Variants in ADCYAP1R1 observed in about 807,000 individuals in gnomAD.
ADCYAP1R1 encodes the protein ADCYAP receptor type I.
In ADCYAP1R1, 44 loss-of-function variants were observed where a neutral mutation model predicts 67.6. The observed-to-expected ratio is 0.65, with a 90% CI of 0.51 to 0.84. The LOEUF is 0.84. Among genes scored for constraint, ADCYAP1R1 ranks in the 40% least tolerant of loss-of-function variants. The pLI, the probability that ADCYAP1R1 is intolerant of heterozygous loss-of-function variation, is 0.00. For missense variants in ADCYAP1R1, 477 were observed against 587.9 expected, an observed-to-expected ratio of 0.81 and a Z score of 1.95; for synonymous variants, 222 against 219.6, an observed-to-expected ratio of 1.01 and a Z score of -0.10.
intron 3 of ADCYAP1R1, among the ~76,000 whole-genome samples, chr7:31,069,740 G>A (rs971153352): frequency 6.6e-6 from 1 of 152,188 alleles, no homozygotes; most frequent in African/African-American, 2.4e-5. Context: ...GTGGTAGCCA[G>A]GAGACAGATG....
chr7:31,104,825 A>G (rs1796574759), intron 14 of ADCYAP1R1, 43 bp from the exon 15 acceptor site: 1 of 1,609,732 alleles, frequency 6.2e-7, no homozygotes, highest in African/African-American at 1.3e-5. Context: ...CATTTCAGAA[A>G]GTCCTTTGCT....
chr7:31,099,892 G>A (rs1214194278), intron 13 of ADCYAP1R1, among the ~76,000 whole-genome samples: 1 of 152,222 alleles, frequency 6.6e-6, no homozygotes, highest in Non-Finnish European at 1.5e-5. Flanking sequence ...TGGTCCCAGT[G>A]TGAGTGTTCG....
At chr7:31,070,303 G>A (rs539901246) in intron 3 of ADCYAP1R1, among the ~76,000 whole-genome samples, 4 of 152,334 alleles carry the variant, frequency 2.6e-5, no homozygotes, top group African/African-American at 9.6e-5. Flanking sequence ...CTGCATCTAA[G>A]CAGGGTTGGT....
At chr7:31,095,837 A>G (rs1351225784) in intron 13 of ADCYAP1R1, 2 of 688,030 alleles carry the variant, frequency 2.9e-6, no homozygotes, top group Non-Finnish European at 5.4e-6. Context: ...GAAGCACCTG[A>G]TGGGGTCTGG....
intron 3 of ADCYAP1R1, among the ~76,000 whole-genome samples, chr7:31,072,158 A>T (rs927556386): frequency 6.6e-6 from 1 of 152,128 alleles, no homozygotes; most frequent in African/African-American, 2.4e-5. Flanking sequence ...GAAACTTAGC[A>T]CAGTAACATT....
chr7:31,089,797 T>C (rs1795891042), intron 12 of ADCYAP1R1, among the ~76,000 whole-genome samples: 1 of 152,238 alleles, frequency 6.6e-6, no homozygotes, highest in African/African-American at 2.4e-5. Flanking sequence ...TAATCTGTTA[T>C]TGTAACAAAT....
At chr7:31,078,219 C>G in intron 4 of ADCYAP1R1, 121 bp downstream of exon 4, 1 of 697,212 alleles carries the variant, frequency 1.4e-6, no homozygotes, top group Non-Finnish European at 2.4e-6. Flanking sequence ...CTCCTGAGCT[C>G]ACATGTGGTG....
intron 12 of ADCYAP1R1, among the ~76,000 whole-genome samples, chr7:31,090,854 A>G (rs1189700437): frequency 6.6e-6 from 1 of 152,194 alleles, no homozygotes; most frequent in Non-Finnish European, 1.5e-5. Flanking sequence ...TGTCTTTGCT[A>G]CTGTGAATAG....
chr7:31,091,739 C>A (rs11979764), intron 12 of ADCYAP1R1, among the ~76,000 whole-genome samples: 15,387 of 152,066 alleles, frequency 0.1, 1,519 homozygotes, highest in African/African-American at 0.26. Flanking sequence ...GCAGAGAACA[C>A]GATTGACAGA....
At chr7:31,053,211 G>A (rs1211841569) in intron 1 of ADCYAP1R1, among the ~76,000 whole-genome samples, 1 of 152,230 alleles carries the variant, frequency 6.6e-6, no homozygotes, top group African/African-American at 2.4e-5. Context: ...AGGGGCCAGT[G>A]TAGAATGCCC....
At chr7:31,061,235 T>C (rs1794489104) in intron 1 of ADCYAP1R1, among the ~76,000 whole-genome samples, 1 of 152,238 alleles carries the variant, frequency 6.6e-6, no homozygotes. Context: ...TGCAACACTC[T>C]GCTGGCCTAG....
intron 5 of ADCYAP1R1, 79 bp downstream of exon 5, chr7:31,080,712 T>G: frequency 6.8e-7 from 1 of 1,481,062 alleles, no homozygotes; most frequent in Non-Finnish European, 9.4e-7. Flanking sequence ...GATCCCAGGC[T>G]CCGGCTGCTG....
At chr7:31,084,909 TC>T in intron 8 of ADCYAP1R1, 75 bp downstream of exon 8, 1 of 1,334,922 alleles carries the variant, frequency 7.5e-7, no homozygotes. Context: ...ATCTCTCCCC[TC>T]CCCCCTTGAT....
chr7:31,100,056 C>G, intron 13 of ADCYAP1R1: 1 of 1,442,508 alleles, frequency 6.9e-7, no homozygotes, highest in Non-Finnish European at 9.5e-7. Context: ...TTTCTGCTTT[C>G]CCTGTAAACT....
At chr7:31,057,005 C>A (rs1794275357) in intron 1 of ADCYAP1R1, 1 of 152,284 alleles carries the variant, frequency 6.6e-6, no homozygotes, top group Non-Finnish European at 1.5e-5. Flanking sequence ...GAGCTGGGCT[C>A]ATGCTCACTT....
rs1795640997 is a variant in ADCYAP1R1, at chr7:31,084,185, G to A, written c.373G>A (p.Glu125Lys). The A allele has an allele frequency of 7.4e-6, 12 of 1,614,070 alleles. No homozygotes were observed. Among genetic ancestry groups the A allele is most frequent in the Non-Finnish European group, 9.3e-6 (11 of 1,180,044 alleles). Reference protein sequence around the residue: ...SRNCTEDGWSEPFPHYFDACG... With the variant: ...SRNCTEDGWSKPFPHYFDACG... Reference sequence around the variant, plus strand: ...GAACTGCACGGAGGATGGCTGGTCGGAACCCTTCCCTCATTACTTTGATGC... The same window carrying A: ...GAACTGCACGGAGGATGGCTGGTCGAAACCCTTCCCTCATTACTTTGATGC... Residue 125 changes from glutamate to lysine, a missense_variant, in exon 7 of 16, where the codon GAA (glutamate) becomes AAA (lysine). Physicochemically the swap from Glu to Lys is moderately conservative, Grantham distance 56. Transcript: ENST00000304166.
chr7:31,075,315 C>A (rs1795164119), intron 3 of ADCYAP1R1, among the ~76,000 whole-genome samples: 1 of 152,190 alleles, frequency 6.6e-6, no homozygotes, highest in Admixed American at 6.5e-5. Flanking sequence ...ACTCATTAAT[C>A]CTCACAGCAG....
At position 31,086,456 on chromosome 7, in the gene ADCYAP1R1, G is replaced by A. The variant is rs766455986; in HGVS notation, c.742G>A (p.Gly248Ser). ...VSNYFWLFIE[G>S]LYLFTLLVET... ...CAACTACTTCTGGCTGTTCATCGAGGGCCTGTACCTCTTCACTCTGCTGGT... is the reference window on the plus strand; with the variant it reads ...CAACTACTTCTGGCTGTTCATCGAGAGCCTGTACCTCTTCACTCTGCTGGT... Residue 248 changes from glycine (G) to serine (S), a missense_variant, in exon 10 of 16, where the codon GGC becomes AGC. Transcript: ENST00000304166. The surrounding 1 kb of genome is among the most constrained non-coding windows in gnomAD (Gnocchi z 5.0). 4 of 1,614,152 alleles carry A rather than the reference G, an allele frequency of 2.5e-6. No individual in the cohort carries two copies. The highest frequency in any genetic ancestry group is 1.7e-6 in the Non-Finnish European group (2 of 1,180,034).
intron 12 of ADCYAP1R1, among the ~76,000 whole-genome samples, chr7:31,089,148 C>T (rs1436636707): frequency 6.6e-6 from 1 of 152,050 alleles, no homozygotes; most frequent in Non-Finnish European, 1.5e-5. Flanking sequence ...TTCTAATGGG[C>T]TATTGCTGGT....
Sources: gnomAD v4.1 joint callset for allele counts (sites outside exome capture counted in the v4.1 genomes callset) on GRCh38, gnomAD v4.1.1 for gene constraint, Gnocchi (gnomAD v3.1) non-coding constraint, MANE v1.5 for transcripts, NCBI Gene and HGNC (gene_info 2026-07-23, HGNC 2026-07-21) for gene names.